The following PAX8 variants were observed in gnomAD, a reference collection of about 807,000 sequenced individuals.
PAX8 encodes the protein paired box 8.
A neutral mutation model predicts 52.4 loss-of-function variants in PAX8; 15 were observed. The ratio of observed to expected loss-of-function variants is 0.29; its 90% confidence interval spans 0.19 to 0.44. The LOEUF (loss-of-function observed/expected upper bound fraction) is 0.44, where lower values mean the gene tolerates loss of function less well. PAX8 is among the 20% of genes least tolerant of loss of function. The pLI is 1.00. For missense variants in PAX8, 554 were observed against 602.5 expected (o/e 0.92, Z 0.84); for synonymous variants, 284 against 249.7 (o/e 1.14, Z -1.29).
chr2:113,226,511 G>C, intron 10 of PAX8: 1 of 988,546 alleles, frequency 1.0e-6, no homozygotes, highest in Non-Finnish European at 1.2e-6. Context: ...CCAAATGACT[G>C]GCAGGCAGGT....
Position 113,233,354 on chromosome 2 carries a change from C to G in PAX8, c.1087+2040G>C, listed in dbSNP as rs1205317366. 5.4e-5 allele frequency among the ~76,000 whole-genome samples: 8 copies of G among 146,840 alleles called. No individual in the cohort carries two copies. The East Asian group carries it at 1.4e-3, about 25-fold the overall frequency. ...GGAAAAAAAAAAAAAAACCCGGGTG[C>G]CAGCCAGAAAGAAAATGTAGAGCCA... is the stretch of plus-strand genomic sequence containing the variant. On this transcript the variant is annotated intron_variant, in intron 9 of 11. Coordinates refer to ENST00000429538, the MANE Select transcript of PAX8 (RefSeq NM_003466.4).
At chr2:113,254,978 G>C (rs913436536) in intron 2 of PAX8, among the ~76,000 whole-genome samples, 2 of 151,248 alleles carry the variant, frequency 1.3e-5, no homozygotes, top group Non-Finnish European at 2.9e-5. Flanking sequence ...TCAGTAAGCA[G>C]AATATAAGTG....
chr2:113,235,183 C>T (rs546499046), intron 9 of PAX8, among the ~76,000 whole-genome samples: 12 of 152,260 alleles, frequency 7.9e-5, no homozygotes, highest in African/African-American at 2.9e-4. Context: ...GTGGTGCATC[C>T]CCGGCACCCC....
chr2:113,257,182 T>C (rs1692324602), intron 2 of PAX8, among the ~76,000 whole-genome samples: 2 of 152,208 alleles, frequency 1.3e-5, no homozygotes, highest in South Asian at 4.1e-4. Flanking sequence ...CTCTCTCTTC[T>C]AAAATCCTTA....
chr2:113,225,922 C>T (rs773030500), intron 10 of PAX8: 10 of 968,224 alleles, frequency 1.0e-5, no homozygotes, highest in Non-Finnish European at 1.2e-5. Context: ...CTTGACCAAT[C>T]TCATTTCACG....
chr2:113,260,592 A>G (rs909985770), intron 2 of PAX8, among the ~76,000 whole-genome samples: 5 of 151,922 alleles, frequency 3.3e-5, no homozygotes, highest in Non-Finnish European at 5.9e-5. Flanking sequence ...GAGAAGGGGG[A>G]ATAGGAAGGA....
chr2:113,278,482 A>G lies in PAX8; in HGVS notation c.-75-13T>C. 6.3e-7 allele frequency: 1 copy of G among 1,588,978 alleles called. No homozygotes were observed. On this transcript the variant is annotated splice_polypyrimidine_tract_variant and intron_variant, in intron 1 of 11. Transcript: ENST00000429538. ...GCCTGCCGCTGCCCTGCACAAACCC[A>G]GGAGAAGGGCATGAGATGCGATGAG...
intron 6 of PAX8, 43 bp downstream of exon 6, chr2:113,241,965 T>C (rs772852794): frequency 1.9e-6 from 3 of 1,609,258 alleles, no homozygotes; most frequent in Non-Finnish European, 2.5e-6. Context: ...CTGAGCAAAC[T>C]GCTCTCGTGC....
intron 9 of PAX8, among the ~76,000 whole-genome samples, chr2:113,234,698 T>C (rs1431714544): frequency 6.6e-6 from 1 of 152,062 alleles, no homozygotes; most frequent in East Asian, 1.9e-4. Flanking sequence ...TTTTTGAATT[T>C]TAGTAGAGAT....
rs575955882 is a variant in PAX8, at chr2:113,227,141, G to A, written c.1189+14C>T. ...TCTTTGCAGTGCTCCCCTTCCTGCC[G>A]GCCCTCTCCTTACCTGCCACCATGC... On this transcript the variant is annotated intron_variant, in intron 10 of 11. Transcript: ENST00000429538. 28 of 1,575,790 alleles carry A rather than the reference G, an allele frequency of 1.8e-5. No homozygotes were observed. The highest frequency in any genetic ancestry group is 1.7e-4 in the Middle Eastern group (1 of 6,038).
intron 7 of PAX8, chr2:113,239,812 T>C (rs1690665680): frequency 6.6e-6 from 1 of 152,072 alleles, no homozygotes; most frequent in Admixed American, 6.5e-5. Flanking sequence ...CTGAATGAAA[T>C]GAGGGTTGGC....
intron 4 of PAX8, among the ~76,000 whole-genome samples, chr2:113,243,151 C>T (rs778849656): frequency 5.9e-5 from 9 of 152,242 alleles, no homozygotes; most frequent in Non-Finnish European, 1.2e-4. Context: ...TCCAGGGTCA[C>T]TCAGTGGCCC....
intron 7 of PAX8, chr2:113,241,260 T>C: frequency 3.7e-6 from 2 of 540,536 alleles, no homozygotes; most frequent in Non-Finnish European, 6.7e-6. Flanking sequence ...TGTTGCAATC[T>C]GGGAAAGACG....
chr2:113,235,678 G>C, intron 8 of PAX8, 96 bp from the exon 9 acceptor site: 3 of 996,236 alleles, frequency 3.0e-6, no homozygotes, highest in Non-Finnish European at 4.4e-6. Flanking sequence ...GGGTGCGGGC[G>C]GGGCGCGGGG....
intron 2 of PAX8, chr2:113,275,383 C>T (rs1216052421): frequency 6.6e-6 from 1 of 152,184 alleles, no homozygotes; most frequent in Non-Finnish European, 1.5e-5. Context: ...TTGCTTCCAT[C>T]CCCTGAAACC....
intron 10 of PAX8, among the ~76,000 whole-genome samples, chr2:113,220,943 C>T (rs931984850): frequency 6.6e-6 from 1 of 152,248 alleles, no homozygotes; most frequent in African/African-American, 2.4e-5. Context: ...AATTATTTAC[C>T]GAAGAAATTA....
At chr2:113,220,458 T>A in intron 10 of PAX8, 1 of 361,396 alleles carries the variant, frequency 2.8e-6, no homozygotes, top group Non-Finnish European at 5.1e-6. Context: ...GTAGATGTTA[T>A]AACTACCCCC....
At chr2:113,219,962 C>G (rs1214198620) in intron 11 of PAX8, 130 bp downstream of exon 11, 1 of 649,068 alleles carries the variant, frequency 1.5e-6, no homozygotes, top group Non-Finnish European at 2.8e-6. Flanking sequence ...CCATCACAAA[C>G]AGCACCATCT....
intron 2 of PAX8, among the ~76,000 whole-genome samples, chr2:113,251,975 G>T (rs1691806921): frequency 6.6e-6 from 1 of 152,198 alleles, no homozygotes; most frequent in East Asian, 1.9e-4. Context: ...TAGAAAAATG[G>T]TTTACATTGG....
Sources: allele counts gnomAD v4.1 joint callset (sites outside exome capture counted in the v4.1 genomes callset), GRCh38; gene constraint gnomAD v4.1.1; transcripts MANE v1.5; gene names NCBI Gene and HGNC (gene_info 2026-07-23, HGNC 2026-07-21).